ZNF217: variants seen among roughly 807,000 people sequenced by gnomAD.
The protein encoded by ZNF217 is zinc finger protein 217.
A neutral mutation model predicts 73.3 loss-of-function variants in ZNF217; 12 were observed. That is an observed-to-expected ratio of 0.16 (90% confidence interval 0.10 to 0.27). The LOEUF is 0.27. ZNF217 is among the 10% of genes least tolerant of loss of function. The pLI, the probability that ZNF217 is intolerant of heterozygous loss-of-function variation, is 1.00. For synonymous variants in ZNF217, 588 were observed against 516.4 expected (o/e 1.14, Z -1.88); for missense variants, 1,195 against 1,327.8 (o/e 0.90, Z 1.55).
intron 5 of ZNF217, 45 bp from the exon 6 acceptor site, chr20:53,569,309 T>C (rs1987888513): frequency 6.5e-6 from 8 of 1,223,438 alleles, no homozygotes; most frequent in Admixed American, 3.3e-5. Context: ...CAAAACTGAA[T>C]ACAGTTTAGA....
chr20:53,578,889 C>G (rs1230349058), intron 2 of ZNF217, among the ~76,000 whole-genome samples: 1 of 152,094 alleles, frequency 6.6e-6, no homozygotes, highest in East Asian at 1.9e-4. Flanking sequence ...CCGTCAACTT[C>G]CCAACCACCA....
intron 1 of ZNF217, among the ~76,000 whole-genome samples, chr20:53,584,161 TCTGCCTTTA>T (rs1198914068): frequency 1.3e-5 from 2 of 152,248 alleles, no homozygotes; most frequent in African/African-American, 4.8e-5. Flanking sequence ...GCCAATACCC[TCTGCCTTTA>T]TGGCAAACAT....
intron 4 of ZNF217, among the ~76,000 whole-genome samples, chr20:53,573,398 A>C (rs1988103584): frequency 6.6e-6 from 1 of 151,942 alleles, no homozygotes; most frequent in South Asian, 2.1e-4. Flanking sequence ...TAGTACTATT[A>C]ATTTGCAGTA....
Position 53,581,448 on chromosome 20 carries a change from C to T in ZNF217, c.1366+13G>A. The T allele has an allele frequency of 6.3e-7, 1 of 1,595,324 alleles. No homozygotes were observed. Among genetic ancestry groups the T allele is most frequent in the Non-Finnish European group, 8.6e-7 (1 of 1,168,418 alleles). ...CAGGCGGAACAGCACGGGACGGAGA[C>T]AGGGCAGCTTACCCAGATGGATTCC... On this transcript the variant is annotated intron_variant, in intron 2 of 5. Coordinates refer to ENST00000371471, the MANE Select transcript of ZNF217 (RefSeq NM_006526.3). This position sits in a 1 kb window ranked among gnomAD's most constrained non-coding sequence, Gnocchi z 4.9.
chr20:53,569,875 G>A (rs1035540204), intron 5 of ZNF217, among the ~76,000 whole-genome samples: 4 of 152,184 alleles, frequency 2.6e-5, no homozygotes, highest in African/African-American at 9.7e-5. Flanking sequence ...TGGGAGGACT[G>A]CTTGAGCCCA....
Position 53,588,037 on chromosome 20 carries a change from C to A in ZNF217, c.-342-4869G>T, listed in dbSNP as rs533726987. On this transcript the variant is annotated intron_variant, in intron 1 of 5. Transcript: ENST00000371471. ...AGCGAAAGAAAAAGATTGGAATATT[C>A]AAAGTTTAAGGTTACAACCTAAACT... Among the ~76,000 whole-genome samples the A allele has an allele frequency of 1.3e-4, 20 of 152,226 alleles. No individual in the cohort carries two copies. The South Asian group carries it at 3.9e-3, about 30-fold the overall frequency.
Position 53,581,318 on chromosome 20 carries a change from T to C in ZNF217, c.1366+143A>G. 8.6e-7 allele frequency: 1 copy of C among 1,161,862 alleles called. No individual in the cohort carries two copies. The highest frequency in any genetic ancestry group is 1.2e-6 in the Non-Finnish European group (1 of 843,840). The allele number at this position is 1,161,862 out of a possible 1,614,324, so 72.0% of individuals were successfully genotyped here. On this transcript the variant is annotated intron_variant, in intron 2 of 5. Coordinates refer to ENST00000371471, the MANE Select transcript of ZNF217 (RefSeq NM_006526.3). The surrounding 1 kb of genome is among the most constrained non-coding windows in gnomAD (Gnocchi z 4.9). Reference sequence around the variant, plus strand: ...AGGTTAAATGACTTACACAGAGTGATACCAAAAAGAGCCTGGACTTGACTC... The same window carrying C: ...AGGTTAAATGACTTACACAGAGTGACACCAAAAAGAGCCTGGACTTGACTC...
At chr20:53,574,386 G>A (rs1988150379) in intron 4 of ZNF217, 1 of 152,160 alleles carries the variant, frequency 6.6e-6, no homozygotes, top group Admixed American at 6.5e-5. Context: ...GTCCTTACTG[G>A]GCGCCCCCTA....
At chr20:53,592,754 C>CG (rs1220937637) in intron 1 of ZNF217, among the ~76,000 whole-genome samples, 1 of 150,302 alleles carries the variant, frequency 6.7e-6, no homozygotes, top group African/African-American at 2.5e-5. Flanking sequence ...GGCTCGCAGT[C>CG]GGGGCCAAAT....
At chr20:53,580,346 GA>G (rs1988439869) in intron 2 of ZNF217, among the ~76,000 whole-genome samples, 1 of 152,170 alleles carries the variant, frequency 6.6e-6, no homozygotes, top group Admixed American at 6.5e-5. Flanking sequence ...CTGAGAGGAG[GA>G]GGCACTTGTT....
At chr20:53,585,701 T>C (rs1988671033) in intron 1 of ZNF217, among the ~76,000 whole-genome samples, 1 of 152,148 alleles carries the variant, frequency 6.6e-6, no homozygotes, top group African/African-American at 2.4e-5. Context: ...CACAAGACCT[T>C]GTAGGATTAT....
chr20:53,578,269 A>G, intron 3 of ZNF217, 65 bp downstream of exon 3: 1 of 1,149,924 alleles, frequency 8.7e-7, no homozygotes, highest in Non-Finnish European at 1.3e-6. Flanking sequence ...GAACAACAAC[A>G]ACAAAAAAAT....
chr20:53,592,998 TAA>T (rs1439865177), intron 1 of ZNF217, among the ~76,000 whole-genome samples: 1 of 151,974 alleles, frequency 6.6e-6, no homozygotes, highest in Non-Finnish European at 1.5e-5. Flanking sequence ...TATAGAACAT[TAA>T]GACTTAAAAA....
Position 53,591,281 on chromosome 20 carries a change from TAA to T in ZNF217, c.-343+2473_-343+2474del, listed in dbSNP as rs955717271. On this transcript the variant is annotated intron_variant, in intron 1 of 5. Transcript: ENST00000371471. ...AAAAGTGTTGTGAAGACAAAAGGAT[TAA>T]AAGAGTGGGACACTAAAGAAAAAAG... is the stretch of plus-strand genomic sequence containing the variant. Among the ~76,000 whole-genome samples, 7 of 152,192 alleles carry T rather than the reference TAA, an allele frequency of 4.6e-5. No individual in the cohort carries two copies. In the South Asian group the frequency reaches 1.2e-3, roughly 27 times the overall value.
At chr20:53,573,621 G>C (rs1300172120) in intron 4 of ZNF217, among the ~76,000 whole-genome samples, 3 of 152,094 alleles carry the variant, frequency 2.0e-5, no homozygotes, top group Non-Finnish European at 4.4e-5. Context: ...AACACACCCA[G>C]CCAATTTTTG....
chr20:53,578,283 A>T, intron 3 of ZNF217, 51 bp downstream of exon 3: 1 of 1,271,708 alleles, frequency 7.9e-7, no homozygotes, highest in Non-Finnish European at 1.1e-6. Flanking sequence ...AAAAAATTAG[A>T]TAACTACATA....
At chr20:53,597,282 C>A (rs1020897388), upstream of ZNF217, among the ~76,000 whole-genome samples, 2 of 152,052 alleles carry the variant, frequency 1.3e-5, no homozygotes, top group African/African-American at 4.8e-5. Flanking sequence ...GGAGCTGAAA[C>A]AGAGCCAACA....
rs2145961503 is a variant in ZNF217 at position 53,583,018 on chromosome 20, C to A, written c.-192G>T. 1 of 561,434 alleles carries A rather than the reference C, an allele frequency of 1.8e-6. No homozygotes were observed. Among genetic ancestry groups the A allele is most frequent in the Non-Finnish European group, 3.0e-6 (1 of 328,262 alleles). 34.8% of individuals were successfully genotyped at this position (561,434 alleles called of 1,614,324 possible). On this transcript the variant is annotated 5_prime_UTR_variant, in exon 2 of 6. The change creates a premature stop within an existing upstream ORF in the 5' untranslated region. Coordinates refer to ENST00000371471, the MANE Select transcript of ZNF217 (RefSeq NM_006526.3). ...AAGCTCAGTGATGGTGTCACTGGTT[C>A]TTTCCACAAACAAGGCATACAGGGT...
rs1430411185 is a variant in ZNF217, at chr20:53,568,141, T to C, written c.*1147A>G. ...GGTCTAGAAACAGATTTTCTCTTTCTAGACTCCCAGCGGGCTCGGCCAGCA... is the reference window on the plus strand; with the variant it reads ...GGTCTAGAAACAGATTTTCTCTTTCCAGACTCCCAGCGGGCTCGGCCAGCA... On this transcript the variant is annotated 3_prime_UTR_variant, in exon 6 of 6. Coordinates refer to ENST00000371471, the MANE Select transcript of ZNF217 (RefSeq NM_006526.3). 1.3e-5 allele frequency: 2 copies of C among 152,204 alleles called. No homozygotes were observed. Among genetic ancestry groups the C allele is most frequent in the East Asian group, 1.9e-4 (1 of 5,204 alleles). 9.4% of individuals were successfully genotyped at this position (152,204 alleles called of 1,614,324 possible). A position where few individuals can be genotyped will look rare whatever the true frequency, so the allele number is the denominator to read the frequency against.
Sources: allele counts gnomAD v4.1 joint callset (sites outside exome capture counted in the v4.1 genomes callset), GRCh38; gene constraint gnomAD v4.1.1; non-coding constraint Gnocchi (gnomAD v3.1); transcripts MANE v1.5; gene names NCBI Gene and HGNC (gene_info 2026-07-23, HGNC 2026-07-21).